The following CSMD1 variants were observed in gnomAD, a reference collection of about 807,000 sequenced individuals.
CSMD1 encodes the protein CUB and Sushi multiple domains 1, also known as CUB and sushi domain-containing protein 1.
In CSMD1, 213 loss-of-function variants were observed where a neutral mutation model predicts 417.5. The ratio of observed to expected loss-of-function variants is 0.51; its 90% CI spans 0.46 to 0.57. The LOEUF is 0.57. Among genes scored for constraint, CSMD1 ranks in the 20% least tolerant of loss-of-function variants. CSMD1 has a pLI of 0.00. For synonymous variants in CSMD1, 2,862 were observed against 1,736.8 expected (o/e 1.65, Z -16.11); for missense variants, 6,923 against 4,529.7 (o/e 1.53, Z -15.17).
In CSMD1 at chr8:2,994,348, C is replaced by T. The variant is rs535117491; in HGVS notation, c.8377+3663G>A. Among the ~76,000 whole-genome samples, 4 of 152,132 alleles carry T rather than the reference C, an allele frequency of 2.6e-5. No individual in the cohort carries two copies. The South Asian group carries it at 8.3e-4, about 32-fold the overall frequency. ...TGATGGATGAGCATTTTCAGAGTAA[C>T]ATTGCCTTGCAGTGGGTGGATTCTT... is the stretch of plus-strand genomic sequence containing the variant. On this transcript the variant is annotated intron_variant, in intron 54 of 69. Coordinates refer to ENST00000635120, the MANE Select transcript of CSMD1 (RefSeq NM_033225.6).
chr8:4,849,603 T>C (rs1023971146), intron 1 of CSMD1, among the ~76,000 whole-genome samples: 1 of 152,176 alleles, frequency 6.6e-6, no homozygotes, highest in East Asian at 1.9e-4. Context: ...ATAATTTTAG[T>C]GACCTTTTCT....
At chr8:4,433,334 G>T (rs1342270549) in intron 2 of CSMD1, among the ~76,000 whole-genome samples, 1 of 152,270 alleles carries the variant, frequency 6.6e-6, no homozygotes, top group African/African-American at 2.4e-5. Context: ...GCACCAGAAA[G>T]GTTGGGGACT....
rs146097622 is a variant in CSMD1, at chr8:3,418,394, T to G, written c.1562-8789A>C. 4.5e-3 allele frequency among the ~76,000 whole-genome samples: 682 copies of G among 152,348 alleles called. 3 individuals carry two copies. The highest frequency in any genetic ancestry group is 6.0e-3 in the Non-Finnish European group (409 of 68,038). On this transcript the variant is annotated intron_variant, in intron 12 of 69. Coordinates refer to ENST00000635120, the MANE Select transcript of CSMD1 (RefSeq NM_033225.6). The stretch of plus-strand genomic sequence containing the variant: ...TTAGTGCTGTTGGAATTCAGAACTT[T>G]GTTGGTGATCCTGCCCAGAAAACTA...
intron 8 of CSMD1, among the ~76,000 whole-genome samples, chr8:3,605,865 T>G (rs554370123): frequency 6.6e-6 from 1 of 152,350 alleles, no homozygotes; most frequent in East Asian, 1.9e-4. Flanking sequence ...TGATGAGCAG[T>G]GCTTAACTTA....
At chr8:4,142,528 G>A (rs1409833477) in intron 3 of CSMD1, among the ~76,000 whole-genome samples, 3 of 151,232 alleles carry the variant, frequency 2.0e-5, no homozygotes, top group Non-Finnish European at 4.4e-5. Context: ...TGAATTCTAA[G>A]TTTAGCAACA....
chr8:3,696,039 G>T (rs373624820), intron 7 of CSMD1, among the ~76,000 whole-genome samples: 7 of 151,974 alleles, frequency 4.6e-5, no homozygotes, highest in East Asian at 3.9e-4. Flanking sequence ...ATTTGCACAC[G>T]TGCAAAAAAA....
intron 25 of CSMD1, among the ~76,000 whole-genome samples, chr8:3,284,951 A>G (rs1283592007): frequency 1.3e-5 from 2 of 152,184 alleles, no homozygotes; most frequent in African/African-American, 2.4e-5. Context: ...AAATTTTACC[A>G]TACTTCTATT....
At chr8:4,688,805 C>G (rs1381455417) in intron 1 of CSMD1, among the ~76,000 whole-genome samples, 1 of 152,188 alleles carries the variant, frequency 6.6e-6, no homozygotes, top group Non-Finnish European at 1.5e-5. Flanking sequence ...GTGAGAACAG[C>G]TCTGTAAACA....
At chr8:3,370,900 C>T (rs561057177) in intron 18 of CSMD1, among the ~76,000 whole-genome samples, 9 of 151,982 alleles carry the variant, frequency 5.9e-5, no homozygotes, top group Middle Eastern at 3.4e-3. Flanking sequence ...CACTTAAACC[C>T]GGGATGCGGA....
intron 2 of CSMD1, among the ~76,000 whole-genome samples, chr8:4,582,800 C>G (rs975097187): frequency 6.6e-5 from 10 of 152,230 alleles, no homozygotes; most frequent in African/African-American, 2.2e-4. Context: ...CCGGAGCCCA[C>G]TCCCTCAGCT....
chr8:4,456,530 C>G (rs981063225), intron 2 of CSMD1, among the ~76,000 whole-genome samples: 1 of 152,172 alleles, frequency 6.6e-6, no homozygotes, highest in South Asian at 2.1e-4. Flanking sequence ...AGTGTTGGCA[C>G]TTCAGTAGTG....
At chr8:3,542,097 T>C (rs922790) in intron 10 of CSMD1, among the ~76,000 whole-genome samples, 55,967 of 152,116 alleles carry the variant, frequency 0.37, 11,145 homozygotes, top group East Asian at 0.46. Context: ...CTCTATAGTC[T>C]TTAAAAAATT....
At chr8:3,417,431 T>C (rs1237976766) in intron 12 of CSMD1, among the ~76,000 whole-genome samples, 1 of 152,230 alleles carries the variant, frequency 6.6e-6, no homozygotes, top group Non-Finnish European at 1.5e-5. Context: ...ACTTCTTATA[T>C]GCTTATTCGT....
chr8:4,087,791 A>T (rs1800497775), intron 3 of CSMD1, among the ~76,000 whole-genome samples: 1 of 151,772 alleles, frequency 6.6e-6, no homozygotes, highest in Admixed American at 6.6e-5. Flanking sequence ...ATATTGTCTC[A>T]CATTTATTTT....
At chr8:3,422,679 G>A (rs527624456) in intron 12 of CSMD1, among the ~76,000 whole-genome samples, 18 of 152,290 alleles carry the variant, frequency 1.2e-4, no homozygotes, top group African/African-American at 3.6e-4. Flanking sequence ...TTTTTCTGAT[G>A]CCAGTGATTT....
chr8:4,756,746 A>C (rs1293301829), intron 1 of CSMD1, among the ~76,000 whole-genome samples: 9 of 152,200 alleles, frequency 5.9e-5, no homozygotes, highest in Admixed American at 5.9e-4. Context: ...AGGTAAAATA[A>C]ATGTAGCAGC....
At chr8:3,365,461 T>A (rs1419162974) in intron 20 of CSMD1, among the ~76,000 whole-genome samples, 1 of 152,258 alleles carries the variant, frequency 6.6e-6, no homozygotes, top group Non-Finnish European at 1.5e-5. Flanking sequence ...GAAGTTCTTA[T>A]TACAGTTGAC....
At chr8:4,899,764 C>T (rs1393072629) in intron 1 of CSMD1, among the ~76,000 whole-genome samples, 1 of 152,112 alleles carries the variant, frequency 6.6e-6, no homozygotes, top group East Asian at 1.9e-4. Context: ...CTAGAATGCA[C>T]TATAACTTCA....
At chr8:3,954,818 G>A (rs558582549) in intron 5 of CSMD1, among the ~76,000 whole-genome samples, 141 of 152,184 alleles carry the variant, frequency 9.3e-4, no homozygotes, top group Non-Finnish European at 1.6e-3. Context: ...CCTCGGAAGC[G>A]AGCATGCGCA....
Sources: gnomAD v4.1 joint callset for allele counts (sites outside exome capture counted in the v4.1 genomes callset) on GRCh38, gnomAD v4.1.1 for gene constraint, MANE v1.5 for transcripts, NCBI Gene and HGNC (gene_info 2026-07-23, HGNC 2026-07-21) for gene names.